PCDH15: variants seen among roughly 807,000 people sequenced by gnomAD.
PCDH15 encodes protocadherin-15.
PCDH15 carries 129 observed loss-of-function variants against 178.5 expected under a neutral mutation model. The observed-to-expected ratio is 0.72, with a 90% CI of 0.63 to 0.84. PCDH15 has a LOEUF of 0.84. Ranked by LOEUF, PCDH15 falls within the 40% of genes least tolerant of loss-of-function variation. The probability of loss-of-function intolerance (pLI) is 0.00; values close to 1 mark genes in which losing one functional copy is unlikely to be tolerated. For missense variants in PCDH15, 2,230 were observed against 2,099.9 expected, an observed-to-expected ratio of 1.06 and a Z score of -1.21; for synonymous variants, 800 against 732.0, an observed-to-expected ratio of 1.09 and a Z score of -1.50.
chr10:53,888,304 A>ATATATACATATATATATATATG (rs1554845195), intron 26 of PCDH15, among the ~76,000 whole-genome samples: 1 of 88,954 alleles, frequency 1.1e-5, no homozygotes, highest in Non-Finnish European at 2.0e-5. Context: ...ATATATATAT[A>ATATATACATATATATATATATG]TATATGTATA....
At chr10:53,990,801 A>G (rs1318332020) in intron 21 of PCDH15, among the ~76,000 whole-genome samples, 1 of 151,682 alleles carries the variant, frequency 6.6e-6, no homozygotes, top group Non-Finnish European at 1.5e-5. Flanking sequence ...GCTTGCAGGG[A>G]GGTGTGGAGG....
At chr10:54,050,818 C>T (rs528127293) in intron 18 of PCDH15, among the ~76,000 whole-genome samples, 2 of 152,210 alleles carry the variant, frequency 1.3e-5, no homozygotes, top group Admixed American at 6.5e-5. Context: ...GTGTCCCCAC[C>T]AAAATCTCAT....
intron 21 of PCDH15, among the ~76,000 whole-genome samples, chr10:53,991,646 C>A (rs1026517974): frequency 6.7e-6 from 1 of 150,372 alleles, no homozygotes. Flanking sequence ...GGTTTGCAAA[C>A]ACACCAGTCG....
At chr10:54,629,288 T>C in intron 2 of PCDH15, among the ~76,000 whole-genome samples, 1 of 152,094 alleles carries the variant, frequency 6.6e-6, no homozygotes. Context: ...TTTATAGAAG[T>C]ATTTTTAAAA....
intron 2 of PCDH15, among the ~76,000 whole-genome samples, chr10:55,088,762 C>T (rs1842242086): frequency 6.6e-6 from 1 of 151,786 alleles, no homozygotes; most frequent in Non-Finnish European, 1.5e-5. Context: ...AATATAAACA[C>T]ACAATTTAAA....
intron 22 of PCDH15, 152 bp from the exon 23 acceptor site, chr10:53,959,996 T>A (rs2088119201): frequency 2.9e-6 from 2 of 681,536 alleles, no homozygotes; most frequent in African/African-American, 3.6e-5. Flanking sequence ...TGGCAGACAC[T>A]ATGCTAGAAA....
chr10:54,071,564 G>A (rs1395174484), intron 17 of PCDH15, among the ~76,000 whole-genome samples: 1 of 152,034 alleles, frequency 6.6e-6, no homozygotes, highest in African/African-American at 2.4e-5. Context: ...TATTTTGTGT[G>A]CATCTCATAG....
intron 1 of PCDH15, among the ~76,000 whole-genome samples, chr10:54,710,046 T>G (rs1591198218): frequency 6.6e-6 from 1 of 151,674 alleles, no homozygotes; most frequent in Admixed American, 6.6e-5. Context: ...GCATATATAC[T>G]TAAATAAAAA....
chr10:54,136,118 T>C (rs1276219125), intron 14 of PCDH15, among the ~76,000 whole-genome samples: 1 of 152,162 alleles, frequency 6.6e-6, no homozygotes. Flanking sequence ...AAAGGCTTGA[T>C]ACTCCTTCAC....
intron 2 of PCDH15, among the ~76,000 whole-genome samples, chr10:55,326,287 T>C (rs1397981546): frequency 1.3e-5 from 2 of 152,154 alleles, no homozygotes; most frequent in South Asian, 4.1e-4. Flanking sequence ...GGCACACATA[T>C]GTTCACTGCA....
At chr10:54,744,882 A>G (rs58095087) in intron 1 of PCDH15, among the ~76,000 whole-genome samples, 300 of 152,278 alleles carry the variant, frequency 2.0e-3, no homozygotes, top group African/African-American at 7.0e-3. Flanking sequence ...GCAGGAAATG[A>G]CAATTACATT....
In PCDH15 at chr10:55,125,713, A is replaced by C. The variant is rs142488212; in HGVS notation, c.-80+40863T>G. On this transcript the variant is annotated intron_variant, in intron 2 of 5. Transcript: ENST00000458638. Reference sequence around the variant, plus strand: ...ACCATATCCTAGTCCTATCCCTGAAAACTAAAACAGCATCAGTTTTTTTGT... The same window carrying C: ...ACCATATCCTAGTCCTATCCCTGAACACTAAAACAGCATCAGTTTTTTTGT... Among the ~76,000 whole-genome samples the C allele has an allele frequency of 4.5e-3, 689 of 152,214 alleles. 7 individuals carry two copies. Among genetic ancestry groups the C allele is most frequent in the African/African-American group, 0.016 (645 of 41,564 alleles).
intron 20 of PCDH15, among the ~76,000 whole-genome samples, chr10:54,017,751 A>T (rs2092787830): frequency 6.6e-6 from 1 of 152,136 alleles, no homozygotes; most frequent in African/African-American, 2.4e-5. Context: ...CATGCAATAC[A>T]CTTATGTAAC....
At chr10:55,366,296 CT>C (rs1474241249) in intron 2 of PCDH15, 2 of 152,024 alleles carry the variant, frequency 1.3e-5, no homozygotes, top group African/African-American at 4.8e-5. Context: ...AGAGTGATAA[CT>C]TTATGAATAA....
At chr10:55,371,426 A>G (rs1476450086) in intron 2 of PCDH15, among the ~76,000 whole-genome samples, 1 of 152,054 alleles carries the variant, frequency 6.6e-6, no homozygotes, top group East Asian at 1.9e-4. Flanking sequence ...TAGTGATATG[A>G]TTTGGCTCTG....
At chr10:54,414,837 T>G (rs1954084013) in intron 3 of PCDH15, among the ~76,000 whole-genome samples, 1 of 152,066 alleles carries the variant, frequency 6.6e-6, no homozygotes, top group African/African-American at 2.4e-5. Flanking sequence ...TGATATAAGA[T>G]TTAGGCTGGC....
chr10:54,461,587 C>T (rs1410361620), intron 3 of PCDH15, among the ~76,000 whole-genome samples: 1 of 152,134 alleles, frequency 6.6e-6, no homozygotes, highest in Non-Finnish European at 1.5e-5. Context: ...ACAACAACAA[C>T]TGCTTAGATA....
intron 1 of PCDH15, among the ~76,000 whole-genome samples, chr10:54,710,127 G>A (rs10825379): frequency 0.12 from 18,496 of 151,686 alleles, 1,261 homozygotes; most frequent in African/African-American, 0.17. Flanking sequence ...TGCTACTGAC[G>A]TGATCCTACC....
Position 53,805,873 on chromosome 10 carries a change from T to TACCA in PCDH15, c.*702_*705dup, listed in dbSNP as rs1240044748. ...AGTGATTAAACTAAACTAAAGTATCTACCATATTTGATATGAGATGAAGGG... is the reference window on the plus strand; with the variant it reads ...AGTGATTAAACTAAACTAAAGTATCTACCAACCATATTTGATATGAGATGAAGGG... On this transcript the variant is annotated 3_prime_UTR_variant, in exon 38 of 38. Transcript: ENST00000644397. 2.0e-5 allele frequency: 3 copies of TACCA among 152,090 alleles called. No individual in the cohort carries two copies. Among genetic ancestry groups the TACCA allele is most frequent in the Non-Finnish European group, 4.4e-5 (3 of 68,000 alleles). 9.4% of individuals were successfully genotyped at this position (152,090 alleles called of 1,614,324 possible). A position where few individuals can be genotyped will look rare whatever the true frequency, so the allele number is the denominator to read the frequency against.
Sources: gnomAD v4.1 joint callset for allele counts (sites outside exome capture counted in the v4.1 genomes callset) on GRCh38, gnomAD v4.1.1 for gene constraint, MANE v1.5 for transcripts, NCBI Gene and HGNC (gene_info 2026-07-23, HGNC 2026-07-21) for gene names.